Variants in STXBP6 observed in about 807,000 individuals in gnomAD.
STXBP6 encodes the protein syntaxin binding protein 6.
STXBP6 carries 21 observed loss-of-function variants against 26.9 expected under a neutral mutation model. That is an observed-to-expected ratio of 0.78 (90% CI 0.55 to 1.12). The LOEUF is 1.12. Among genes scored for constraint, STXBP6 ranks in the 50% most tolerant of loss-of-function variants. STXBP6 has a pLI of 0.00. For missense variants in STXBP6, 232 were observed against 257.9 expected (o/e 0.90, Z 0.69); for synonymous variants, 97 against 92.6 (o/e 1.05, Z -0.27).
At chr14:24,817,181 C>G (rs911739918) in intron 5 of STXBP6, 2 of 152,130 alleles carry the variant, frequency 1.3e-5, no homozygotes, top group African/African-American at 4.8e-5. Flanking sequence ...TATTGCTTTC[C>G]CAATTGCCTC....
At chr14:25,036,014 T>G (rs1444811055) in intron 1 of STXBP6, among the ~76,000 whole-genome samples, 1 of 151,816 alleles carries the variant, frequency 6.6e-6, no homozygotes, top group Admixed American at 6.6e-5. Flanking sequence ...GGTCAGGGGT[T>G]CGAGACCAGC....
intron 2 of STXBP6, among the ~76,000 whole-genome samples, chr14:24,964,870 G>A (rs970708998): frequency 1.3e-5 from 2 of 152,108 alleles, no homozygotes; most frequent in Non-Finnish European, 2.9e-5. Context: ...AGTAAAGATA[G>A]GTGTAGGAAA....
At chr14:24,882,105 C>A (rs777670460) in intron 2 of STXBP6, among the ~76,000 whole-genome samples, 2 of 151,700 alleles carry the variant, frequency 1.3e-5, no homozygotes, top group Non-Finnish European at 2.9e-5. Context: ...TTCGGCCGGG[C>A]GCGGTGGCTC....
intron 4 of STXBP6, among the ~76,000 whole-genome samples, chr14:24,850,369 G>T (rs1203704755): frequency 6.6e-6 from 1 of 152,070 alleles, no homozygotes; most frequent in Non-Finnish European, 1.5e-5. Context: ...ATAGAGCTCT[G>T]AAGTCTGGGC....
Position 24,964,647 on chromosome 14 carries a change from C to CTGTGTGTGTGTGTGTGTGTGTGTGTG in STXBP6, c.154+9992_154+10017dup, listed in dbSNP as rs34132743. 2.6e-4 allele frequency among the ~76,000 whole-genome samples: 36 copies of CTGTGTGTGTGTGTGTGTGTGTGTGTG among 140,202 alleles called. 1 individual carries two copies. Among genetic ancestry groups the CTGTGTGTGTGTGTGTGTGTGTGTGTG allele is most frequent in the Middle Eastern group, 3.7e-3 (1 of 272 alleles). 92.0% of individuals were successfully genotyped at this position (140,202 alleles called of 152,430 possible). On this transcript the variant is annotated intron_variant, in intron 2 of 5. Coordinates refer to ENST00000323944, the MANE Select transcript of STXBP6 (RefSeq NM_001394410.1). ...TGACAGAGCTAGTACAGTTCTCATT[C>CTGTGTGTGTGTGTGTGTGTGTGTGTG]TGTGTGTGTGTGTGTGTGTGTGTGT...
chr14:24,824,303 T>C (rs2068221875), intron 4 of STXBP6, among the ~76,000 whole-genome samples: 1 of 152,190 alleles, frequency 6.6e-6, no homozygotes, highest in Admixed American at 6.6e-5. Flanking sequence ...GTGGCTCTAC[T>C]TCTGCCCCCA....
At chr14:24,945,139 ATTTTT>A (rs552562019) in intron 2 of STXBP6, among the ~76,000 whole-genome samples, 15 of 100,718 alleles carry the variant, frequency 1.5e-4, no homozygotes, top group South Asian at 7.2e-4. Flanking sequence ...CCAATTAGGA[ATTTTT>A]TTTTTTTTTT....
At chr14:24,992,242 CT>C (rs2074492823) in intron 1 of STXBP6, among the ~76,000 whole-genome samples, 2 of 152,170 alleles carry the variant, frequency 1.3e-5, no homozygotes, top group South Asian at 4.1e-4. Context: ...AAAGGTACTA[CT>C]TAGTCCCATA....
Position 24,950,314 on chromosome 14 carries a change from A to G in STXBP6, c.154+24351T>C, listed in dbSNP as rs146172781. On this transcript the variant is annotated intron_variant, in intron 2 of 5. Transcript: ENST00000323944. ...TGAAGAGGTACATACTCTTCAACTT[A>G]GCAATCATATTCCTGGTATATACCC... is the stretch of plus-strand genomic sequence containing the variant. Among the ~76,000 whole-genome samples, 4 of 152,322 alleles carry G rather than the reference A, an allele frequency of 2.6e-5. No homozygotes were observed. In the East Asian group the frequency reaches 7.7e-4, roughly 29 times the overall value.
chr14:24,999,443 T>C (rs1462284904), intron 1 of STXBP6, among the ~76,000 whole-genome samples: 3 of 152,168 alleles, frequency 2.0e-5, no homozygotes, highest in East Asian at 1.9e-4. Context: ...ACAACATGTA[T>C]TGATTGTCCA....
intron 2 of STXBP6, among the ~76,000 whole-genome samples, chr14:24,869,160 T>G (rs549806809): frequency 4.6e-5 from 7 of 152,334 alleles, no homozygotes; most frequent in African/African-American, 1.7e-4. Flanking sequence ...ATTTGCTGTA[T>G]GTACTGGTGA....
intron 1 of STXBP6, among the ~76,000 whole-genome samples, chr14:25,016,034 C>T (rs1208749529): frequency 1.3e-5 from 2 of 152,058 alleles, no homozygotes; most frequent in Admixed American, 6.6e-5. Flanking sequence ...GGTTCCTCAA[C>T]TAAAAAATAA....
At chr14:25,023,095 T>C (rs2075288401) in intron 1 of STXBP6, among the ~76,000 whole-genome samples, 1 of 152,224 alleles carries the variant, frequency 6.6e-6, no homozygotes, top group Non-Finnish European at 1.5e-5. Context: ...CTTAGCAGAA[T>C]TCCAAGGATG....
chr14:24,847,825 G>GTGT (rs1477704077), intron 4 of STXBP6, among the ~76,000 whole-genome samples: 2 of 152,274 alleles, frequency 1.3e-5, no homozygotes, highest in Non-Finnish European at 2.9e-5. Context: ...CTCTGGCACA[G>GTGT]TGTTACTTGA....
intron 5 of STXBP6, among the ~76,000 whole-genome samples, chr14:24,814,528 T>C (rs1015166003): frequency 2.0e-5 from 3 of 152,262 alleles, no homozygotes; most frequent in African/African-American, 7.2e-5. Flanking sequence ...GTGATTATGC[T>C]GCTGTTCAAA....
chr14:24,812,824 T>C, intron 5 of STXBP6, 92 bp from the exon 6 acceptor site: 2 of 1,245,524 alleles, frequency 1.6e-6, no homozygotes, highest in Admixed American at 1.7e-5. Flanking sequence ...ACCTCCACAA[T>C]GAGAAGCAGC....
At chr14:24,918,845 T>C (rs1566475257) in intron 2 of STXBP6, among the ~76,000 whole-genome samples, 1 of 152,070 alleles carries the variant, frequency 6.6e-6, no homozygotes, top group Non-Finnish European at 1.5e-5. Flanking sequence ...AGGTTTCAAT[T>C]TTGTTCTAAA....
intron 2 of STXBP6, among the ~76,000 whole-genome samples, chr14:24,923,559 A>G (rs576176991): frequency 2.0e-5 from 3 of 152,318 alleles, no homozygotes; most frequent in South Asian, 2.1e-4. Context: ...ATATCAATTT[A>G]CAATGTATTA....
chr14:24,907,653 C>T (rs1337180719), intron 2 of STXBP6, among the ~76,000 whole-genome samples: 2 of 151,900 alleles, frequency 1.3e-5, no homozygotes, highest in African/African-American at 2.4e-5. Context: ...AATATATAGC[C>T]TTTTAATAAG....
Sources: gnomAD v4.1 joint callset for allele counts (sites outside exome capture counted in the v4.1 genomes callset) on GRCh38, gnomAD v4.1.1 for gene constraint, MANE v1.5 for transcripts, NCBI Gene and HGNC (gene_info 2026-07-23, HGNC 2026-07-21) for gene names.